ALS2CL: variants seen among roughly 807,000 people sequenced by gnomAD.
The protein encoded by ALS2CL is ALS2 C-terminal-like protein.
A neutral mutation model predicts 127.9 loss-of-function variants in ALS2CL; 112 were observed. The observed-to-expected ratio is 0.88, with a 90% CI of 0.75 to 1.02. ALS2CL has a LOEUF of 1.02. ALS2CL is among the 50% of genes least tolerant of loss of function. The pLI is 0.00. For synonymous variants in ALS2CL, 519 were observed against 527.6 expected (o/e 0.98, Z 0.22); for missense variants, 1,174 against 1,236.7 (o/e 0.95, Z 0.76).
At chr3:46,683,053 T>C (rs2106726363) in intron 10 of ALS2CL, 77 bp downstream of exon 10, 3 of 1,387,676 alleles carry the variant, frequency 2.2e-6, no homozygotes, top group Admixed American at 5.2e-5. Flanking sequence ...CCTGAGACAA[T>C]TAGGCTTGTG....
intron 19 of ALS2CL, 108 bp from the exon 20 acceptor site, chr3:46,675,794 A>G: frequency 1.3e-6 from 2 of 1,572,112 alleles, no homozygotes; most frequent in East Asian, 2.3e-5. Context: ...AACTGTGGAC[A>G]TGGCCTGCAG....
chr3:46,686,449 G>A lies in ALS2CL; in HGVS notation c.535-10C>T, dbSNP rs1444346292. On this transcript the variant is annotated splice_polypyrimidine_tract_variant and intron_variant, in intron 5 of 25. Coordinates refer to ENST00000318962, the MANE Select transcript of ALS2CL (RefSeq NM_147129.5). This position sits in a 1 kb window ranked among gnomAD's most constrained non-coding sequence, Gnocchi z 4.3. Reference sequence around the variant, plus strand: ...CCCGGGTTGGGTGATGCTGAAGGGGGACAGGGCAGCCAGTGAGAGGAGAGC... The same window carrying A: ...CCCGGGTTGGGTGATGCTGAAGGGGAACAGGGCAGCCAGTGAGAGGAGAGC... 2 of 1,610,768 alleles carry A rather than the reference G, an allele frequency of 1.2e-6. No individual in the cohort carries two copies. Among genetic ancestry groups the A allele is most frequent in the Admixed American group, 1.7e-5 (1 of 59,756 alleles).
chr3:46,675,243 A>T (rs1196129470), intron 20 of ALS2CL: 1 of 230,420 alleles, frequency 4.3e-6, no homozygotes, highest in Non-Finnish European at 8.4e-6. Flanking sequence ...GGGGGAAACA[A>T]ATTTCATGCC....
intron 1 of ALS2CL, 79 bp from the exon 2 acceptor site, chr3:46,689,544 G>T: frequency 1.0e-6 from 1 of 960,800 alleles, no homozygotes; most frequent in Non-Finnish European, 1.5e-6. Context: ...AGGGTGCCCA[G>T]AAGCAAGGTC....
At position 46,691,564 on chromosome 3, in the gene ALS2CL, CCCCA is replaced by C. The variant is rs1174273234; in HGVS notation, c.-26+2075_-26+2078del. Among the ~76,000 whole-genome samples the C allele has an allele frequency of 2.6e-5, 4 of 152,064 alleles. No individual in the cohort carries two copies. In the East Asian group the frequency reaches 7.7e-4, roughly 29 times the overall value. On this transcript the variant is annotated intron_variant, in intron 1 of 25. Coordinates refer to ENST00000318962, the MANE Select transcript of ALS2CL (RefSeq NM_147129.5). ...CCCCACTGCCCAGTCTCAGCTGCTCCCCCAGGAGCAGCCCTCACCTGGCTGCTCA... is the reference window on the plus strand; with the variant it reads ...CCCCACTGCCCAGTCTCAGCTGCTCCGGAGCAGCCCTCACCTGGCTGCTCA...
In ALS2CL at chr3:46,674,977, A is replaced by G. The variant is rs573327768; in HGVS notation, c.2256-238T>C. On this transcript the variant is annotated intron_variant, in intron 20 of 25. Transcript: ENST00000318962. The stretch of plus-strand genomic sequence containing the variant: ...AGATGGCAGGTGGGGCAGGAGTTGG[A>G]TCCCCATTTGACTGAAAGCAAAACC... The G allele has an allele frequency of 3.0e-4, 135 of 444,222 alleles. 1 individual carries two copies. Among genetic ancestry groups the G allele is most frequent in the African/African-American group, 2.5e-3 (123 of 50,150 alleles). The allele number at this position is 444,222 out of a possible 1,614,324, so 27.5% of individuals were successfully genotyped here.
chr3:46,687,759 C>T, intron 3 of ALS2CL, 75 bp from the exon 4 acceptor site: 1 of 1,438,648 alleles, frequency 7.0e-7, no homozygotes, highest in East Asian at 2.3e-5. Flanking sequence ...CCTGGGATCC[C>T]CAGATCCCAC....
intron 24 of ALS2CL, 70 bp from the exon 25 acceptor site, chr3:46,671,654 G>A (rs1698400218): frequency 1.2e-6 from 2 of 1,610,026 alleles, no homozygotes; most frequent in Non-Finnish European, 1.7e-6. Context: ...ACAGGCAGCT[G>A]GGGAAGGAGC....
intron 2 of ALS2CL, 113 bp downstream of exon 2, chr3:46,689,225 C>T: frequency 4.6e-6 from 5 of 1,098,228 alleles, no homozygotes; most frequent in Non-Finnish European, 6.8e-6. Context: ...GGTGTCACCA[C>T]TCCTATTTGA....
chr3:46,686,504 G>A lies in ALS2CL; in HGVS notation c.535-65C>T. ...TGGAATCTTCCCTAGCCCAGTCCTG[G>A]TCCCGGCTGGTGGGGAGGCCTGAAT... is the stretch of plus-strand genomic sequence containing the variant. On this transcript the variant is annotated intron_variant, in intron 5 of 25. Coordinates refer to ENST00000318962, the MANE Select transcript of ALS2CL (RefSeq NM_147129.5). This position sits in a 1 kb window ranked among gnomAD's most constrained non-coding sequence, Gnocchi z 4.3. 1 of 1,552,872 alleles carries A rather than the reference G, an allele frequency of 6.4e-7. No individual in the cohort carries two copies. The highest frequency in any genetic ancestry group is 8.7e-7 in the Non-Finnish European group (1 of 1,147,594).
intron 15 of ALS2CL, 29 bp downstream of exon 15, chr3:46,679,181 G>A (rs1346982107): frequency 6.5e-6 from 10 of 1,543,136 alleles, no homozygotes; most frequent in Non-Finnish European, 8.8e-6. Context: ...CCTTGGCAGG[G>A]TGTGGAGGGG....
At chr3:46,680,739 G>A in intron 13 of ALS2CL, 198 bp from the exon 14 acceptor site, 8 of 590,698 alleles carry the variant, frequency 1.4e-5, no homozygotes, top group Non-Finnish European at 2.4e-5. Flanking sequence ...GGCAGCCTGG[G>A]AAGGGCATCT....
rs1463117316 is a variant in ALS2CL at position 46,671,030 on chromosome 3, C to T, written c.2816G>A (p.Arg939Lys). The change falls in exon 26 of 26, where the codon AGG becomes AAG. Residue 939 changes from arginine to lysine, a missense_variant. Arg to Lys is a conservative substitution (Grantham distance 26). Transcript: ENST00000318962. Reference sequence around the variant, plus strand: ...CCAGTGGCCAGGTAAGCGGTGCAGCCTCATGTCTTCTTTCTGGATGTGCTC... The same window carrying T: ...CCAGTGGCCAGGTAAGCGGTGCAGCTTCATGTCTTCTTTCTGGATGTGCTC... ...CYEHIQKEDMRLHRLPGHWHS... is the reference protein window; with the variant it reads ...CYEHIQKEDMKLHRLPGHWHS... 2 of 1,614,202 alleles carry T rather than the reference C, an allele frequency of 1.2e-6. No homozygotes were observed. The highest frequency in any genetic ancestry group is 2.2e-5 in the East Asian group (1 of 44,874).
At chr3:46,683,000 G>A (rs1699472241) in intron 10 of ALS2CL, 130 bp downstream of exon 10, 2 of 1,015,980 alleles carry the variant, frequency 2.0e-6, no homozygotes, top group East Asian at 3.0e-5. Context: ...GAGGGACTCT[G>A]AGAATTGACT....
At chr3:46,688,330 G>A (rs1173673387) in intron 2 of ALS2CL, 34 bp from the exon 3 acceptor site, 1 of 1,595,482 alleles carries the variant, frequency 6.3e-7, no homozygotes, top group South Asian at 1.1e-5. Context: ...TGTGAGTAGA[G>A]GACGTGGGCT....
At position 46,687,112 on chromosome 3, in the gene ALS2CL, C is replaced by T. The variant is rs1223774225; in HGVS notation, c.405G>A (p.Gln135=). 1.1e-5 allele frequency: 18 copies of T among 1,568,658 alleles called. No homozygotes were observed. Among genetic ancestry groups the T allele is most frequent in the Non-Finnish European group, 1.5e-5 (17 of 1,164,840 alleles). ...YWRGQRKALR[Q]LLSGVSSEGS... ...CCTCTGAGCTCACACCTGAAAGCAGCTGCCGCAGCGCCTTCCGCTGGCCCC... is the reference window on the plus strand; with the variant it reads ...CCTCTGAGCTCACACCTGAAAGCAGTTGCCGCAGCGCCTTCCGCTGGCCCC... Residue 135 remains glutamine (Q), a synonymous_variant, in exon 5 of 26, where the codon CAG becomes CAA. Transcript: ENST00000318962.
Position 46,686,490 on chromosome 3 carries a change from C to T in ALS2CL, c.535-51G>A. On this transcript the variant is annotated intron_variant, in intron 5 of 25. Transcript: ENST00000318962. This position sits in a 1 kb window ranked among gnomAD's most constrained non-coding sequence, Gnocchi z 4.3. ...AGAGGAGAGCTTACTGGAATCTTCC[C>T]TAGCCCAGTCCTGGTCCCGGCTGGT... 1 of 1,585,386 alleles carries T rather than the reference C, an allele frequency of 6.3e-7. No individual in the cohort carries two copies. The highest frequency in any genetic ancestry group is 8.6e-7 in the Non-Finnish European group (1 of 1,164,580).
At position 46,683,324 on chromosome 3, in the gene ALS2CL, T is replaced by G. The variant is rs1380023314; in HGVS notation, c.915A>C (p.Ala305=). 1 of 1,581,868 alleles carries G rather than the reference T, an allele frequency of 6.3e-7. No homozygotes were observed. ...SFCAKDSQGQ[A]VWQWKVTWAV... ...CCCAGGTCACCTTCCACTGCCAGACTGCCTGGTGGGAGGGGGAACATGGGG... is the reference window on the plus strand; with the variant it reads ...CCCAGGTCACCTTCCACTGCCAGACGGCCTGGTGGGAGGGGGAACATGGGG... The change falls in exon 10 of 26, where the codon GCA becomes GCC. Residue 305 remains alanine, a splice_region_variant and synonymous_variant. Transcript: ENST00000318962.
At chr3:46,671,363 G>C in intron 25 of ALS2CL, 125 bp downstream of exon 25, 3 of 1,452,218 alleles carry the variant, frequency 2.1e-6, no homozygotes, top group Non-Finnish European at 1.8e-6. Context: ...ACCCTTCCCA[G>C]AGTCACACAT....
Sources: gnomAD v4.1 joint callset for allele counts (sites outside exome capture counted in the v4.1 genomes callset) on GRCh38, gnomAD v4.1.1 for gene constraint, Gnocchi (gnomAD v3.1) non-coding constraint, MANE v1.5 for transcripts, NCBI Gene and HGNC (gene_info 2026-07-23, HGNC 2026-07-21) for gene names.